The following FRAT2 variants were observed in gnomAD, a reference collection of about 807,000 sequenced individuals.
FRAT2 encodes GSK-3-binding protein FRAT2.
For missense variants in FRAT2, 326 were observed against 340.8 expected, an observed-to-expected ratio of 0.96 and a Z score of 0.34; for synonymous variants, 205 against 171.5, an observed-to-expected ratio of 1.20 and a Z score of -1.53.
chr10:97,334,091 C>G lies in FRAT2; in HGVS notation c.482G>C (p.Arg161Pro). 1 of 1,590,224 alleles carries G rather than the reference C, an allele frequency of 6.3e-7. No individual in the cohort carries two copies. The highest frequency in any genetic ancestry group is 8.5e-7 in the Non-Finnish European group (1 of 1,176,840). ...GCGTGCCCCGGCTTGGGTCCATCGG[C>G]GCTGCTGCAAGCGGCGGGAGGTGAC... ...DAVTSRRLQQRRWTQAGARAG... is the reference protein window; with the variant it reads ...DAVTSRRLQQPRWTQAGARAG... The change falls in exon 1 of 1, where the codon CGC becomes CCC. Residue 161 changes from arginine (R) to proline (P), a missense_variant. Transcript: ENST00000371019.
At position 97,334,101 on chromosome 10, in the gene FRAT2, A is replaced by T; in HGVS notation, c.472T>A (p.Leu158Met). 1.3e-6 allele frequency: 2 copies of T among 1,584,882 alleles called. No homozygotes were observed. The highest frequency in any genetic ancestry group is 1.7e-6 in the Non-Finnish European group (2 of 1,174,600). ...WLRDAVTSRR[L>M]QQRRWTQAGA... ...GCTTGGGTCCATCGGCGCTGCTGCA[A>T]GCGGCGGGAGGTGACCGCGTCCCTG... The change falls in exon 1 of 1, where the codon TTG becomes ATG. Residue 158 changes from leucine to methionine, a missense_variant. Leu to Met is a conservative substitution (Grantham distance 15). Coordinates refer to ENST00000371019, the MANE Select transcript of FRAT2 (RefSeq NM_012083.3).
In FRAT2 at chr10:97,334,525, C is replaced by T. The variant is rs368662537; in HGVS notation, c.48G>A (p.Glu16=). Reference sequence around the variant, plus strand: ...AGCTGTCGTCCTCCTCTTCCTCCCCCTCCGCCTCCTCGCCGGCTTCCTCTT... The same window carrying T: ...AGCTGTCGTCCTCCTCTTCCTCCCCTTCCGCCTCCTCGCCGGCTTCCTCTT... ...EEEEEAGEEA[E]GEEEEDDSFL... is the part of the protein sequence containing the mutation. Residue 16 remains glutamate, a synonymous_variant, in exon 1 of 1, where the codon GAG becomes GAA. Coordinates refer to ENST00000371019, the MANE Select transcript of FRAT2 (RefSeq NM_012083.3). The T allele has an allele frequency of 4.1e-5, 61 of 1,494,842 alleles. No homozygotes were observed. The African/African-American group carries it at 8.4e-4, about 21-fold the overall frequency. 92.6% of individuals were successfully genotyped at this position (1,494,842 alleles called of 1,614,324 possible).
Position 97,334,149 on chromosome 10 carries a change from C to A in FRAT2, c.424G>T (p.Gly142Trp), listed in dbSNP as rs758678704. Reference protein sequence around the residue: ...EVAAGPSALPGPCRRGWLRDA... With the variant: ...EVAAGPSALPWPCRRGWLRDA... ...CTGAGCCATCCTCGCCGGCACGGCCCCGGCAGCGCGCTGGGGCCTGCGGCG... is the reference window on the plus strand; with the variant it reads ...CTGAGCCATCCTCGCCGGCACGGCCACGGCAGCGCGCTGGGGCCTGCGGCG... Residue 142 changes from glycine to tryptophan, a missense_variant, in exon 1 of 1, where the codon GGG becomes TGG. Gly to Trp is a radical substitution (Grantham distance 184, BLOSUM62 -2). Transcript: ENST00000371019. 4.0e-6 allele frequency: 6 copies of A among 1,491,694 alleles called. No homozygotes were observed. The highest frequency in any genetic ancestry group is 5.3e-6 in the Non-Finnish European group (6 of 1,129,962). 92.4% of individuals were successfully genotyped at this position (1,491,694 alleles called of 1,614,324 possible). A position where few individuals can be genotyped will look rare whatever the true frequency, so the allele number is the denominator to read the frequency against.
In FRAT2 at chr10:97,334,132, T is replaced by C. The variant is rs1843552941; in HGVS notation, c.441A>G (p.Gly147=). 2.0e-6 allele frequency: 3 copies of C among 1,534,156 alleles called. No homozygotes were observed. Among genetic ancestry groups the C allele is most frequent in the Non-Finnish European group, 2.6e-6 (3 of 1,149,980 alleles). The part of the protein sequence containing the change: ...PSALPGPCRR[G]WLRDAVTSRR... ...GGGAGGTGACCGCGTCCCTGAGCCA[T>C]CCTCGCCGGCACGGCCCCGGCAGCG... Residue 147 remains glycine (G), a synonymous_variant, in exon 1 of 1, where the codon GGA becomes GGG. Transcript: ENST00000371019.
rs1359123319 is a variant in FRAT2, at chr10:97,334,188, A to G, written c.385T>C (p.Cys129Arg). The G allele has an allele frequency of 5.3e-6, 7 of 1,326,754 alleles. No individual in the cohort carries two copies. Among genetic ancestry groups the G allele is most frequent in the Non-Finnish European group, 6.7e-6 (7 of 1,046,330 alleles). 82.2% of individuals were successfully genotyped at this position (1,326,754 alleles called of 1,614,324 possible). ...GRVRGRAAPYCVAEVAAGPSA... is the reference protein window; with the variant it reads ...GRVRGRAAPYRVAEVAAGPSA... ...GGGCCTGCGGCGACCTCCGCCACGC[A>G]GTAGGGCGCAGCGCGTCCGCGCACG... is the stretch of plus-strand genomic sequence containing the variant. The change falls in exon 1 of 1, where the codon TGC (cysteine) becomes CGC (arginine). Residue 129 changes from cysteine (C) to arginine (R), a missense_variant. Physicochemically the swap from Cys to Arg is radical, Grantham distance 180 (BLOSUM62 -3). Transcript: ENST00000371019.
rs759124999 is a variant in FRAT2, at chr10:97,334,574, GC to G, written c.-3del. The G allele has an allele frequency of 2.8e-5, 41 of 1,443,978 alleles. No individual in the cohort carries two copies. The African/African-American group carries it at 4.0e-4, about 14-fold the overall frequency. 89.4% of individuals were successfully genotyped at this position (1,443,978 alleles called of 1,614,324 possible). ...TTCCTCCTCCCTCCGGCACGGCATG[GC>G]CCCCCGTCCTGGCACCCGGAGCTGT... On this transcript the variant is annotated 5_prime_UTR_variant, in exon 1 of 1. Coordinates refer to ENST00000371019, the MANE Select transcript of FRAT2 (RefSeq NM_012083.3).
Position 97,334,637 on chromosome 10 carries a change from G to A in FRAT2, c.-65C>T, listed in dbSNP as rs1564740784. ...TGGGGGCTTGGTTGCCCGCGGGCGC[G>A]GAGCTGCGGGCGAAGCCGGAGCAGG... is the stretch of plus-strand genomic sequence containing the variant. On this transcript the variant is annotated 5_prime_UTR_variant, in exon 1 of 1. Coordinates refer to ENST00000371019, the MANE Select transcript of FRAT2 (RefSeq NM_012083.3). 6 of 1,302,476 alleles carry A rather than the reference G, an allele frequency of 4.6e-6. No individual in the cohort carries two copies. In the South Asian group the frequency reaches 6.1e-5, roughly 13 times the overall value. 80.7% of individuals were successfully genotyped at this position (1,302,476 alleles called of 1,614,324 possible).
Position 97,334,350 on chromosome 10 carries a change from C to T in FRAT2, c.223G>A (p.Gly75Arg). ...APPGVPLRAP[G>R]PLAAAVPADK... The stretch of plus-strand genomic sequence containing the variant: ...GCCGGCACCGCCGCAGCCAGGGGCC[C>T]CGGGGCCCGCAGCGGCACCCCCGGG... Residue 75 changes from glycine (G) to arginine (R), a missense_variant, in exon 1 of 1, where the codon GGG (glycine) becomes AGG (arginine). By Grantham distance (125) the Gly-to-Arg change is moderately radical (BLOSUM62 -2). Transcript: ENST00000371019. 1 of 1,200,084 alleles carries T rather than the reference C, an allele frequency of 8.3e-7. No homozygotes were observed. The highest frequency in any genetic ancestry group is 1.0e-6 in the Non-Finnish European group (1 of 967,576). 74.3% of individuals were successfully genotyped at this position (1,200,084 alleles called of 1,614,324 possible). A position where few individuals can be genotyped will look rare whatever the true frequency, so the allele number is the denominator to read the frequency against.
rs1414249060 is a variant in FRAT2, at chr10:97,334,289, A to G, written c.284T>C (p.Leu95Pro). The change falls in exon 1 of 1, where the codon CTG (leucine) becomes CCG (proline). Residue 95 changes from leucine to proline, a missense_variant. Coordinates refer to ENST00000371019, the MANE Select transcript of FRAT2 (RefSeq NM_012083.3). Reference sequence around the variant, plus strand: ...CACCGTCTCAGCCGAAGCGGGCGGCAGCAGCAGCGGCACCGCCGGGGGCCG... The same window carrying G: ...CACCGTCTCAGCCGAAGCGGGCGGCGGCAGCAGCGGCACCGCCGGGGGCCG... ...KARPPAVPLL[L>P]PPASAETVGP... 2.6e-6 allele frequency: 3 copies of G among 1,155,970 alleles called. No individual in the cohort carries two copies. The highest frequency in any genetic ancestry group is 1.6e-5 in the African/African-American group (1 of 61,268). The allele number at this position is 1,155,970 out of a possible 1,614,324, so 71.6% of individuals were successfully genotyped here. A position where few individuals can be genotyped will look rare whatever the true frequency, so the allele number is the denominator to read the frequency against.
In FRAT2 at chr10:97,333,938, G is replaced by A. The variant is rs775671696; in HGVS notation, c.635C>T (p.Pro212Leu). The A allele has an allele frequency of 1.9e-6, 3 of 1,575,528 alleles. No homozygotes were observed. The highest frequency in any genetic ancestry group is 2.3e-5 in the South Asian group (2 of 87,504). Residue 212 changes from proline (P) to leucine (L), a missense_variant, in exon 1 of 1, where the codon CCT becomes CTT. Physicochemically the swap from Pro to Leu is moderately conservative, Grantham distance 98 (BLOSUM62 -3). Transcript: ENST00000371019. ...TCCGCTGCGGCCTCCCCCGGGCCCA[G>A]GGGCGCTTGCGGGGCCCGTGGCTGC... ...AVAATGPASA[P>L]GPGGGRSGPD...
Position 97,334,168 on chromosome 10 carries a change from T to G in FRAT2, c.405A>C (p.Ala135=). 1 of 1,402,118 alleles carries G rather than the reference T, an allele frequency of 7.1e-7. No individual in the cohort carries two copies. The highest frequency in any genetic ancestry group is 9.2e-7 in the Non-Finnish European group (1 of 1,088,666). 86.9% of individuals were successfully genotyped at this position (1,402,118 alleles called of 1,614,324 possible). A position where few individuals can be genotyped will look rare whatever the true frequency, so the allele number is the denominator to read the frequency against. Residue 135 remains alanine (A), a synonymous_variant, in exon 1 of 1, where the codon GCA becomes GCC. Transcript: ENST00000371019. ...AAPYCVAEVA[A]GPSALPGPCR... ...ACGGCCCCGGCAGCGCGCTGGGGCC[T>G]GCGGCGACCTCCGCCACGCAGTAGG... is the stretch of plus-strand genomic sequence containing the variant.
Position 97,334,599 on chromosome 10 carries a change from GT to G in FRAT2, c.-28del. On this transcript the variant is annotated 5_prime_UTR_variant, in exon 1 of 1. Coordinates refer to ENST00000371019, the MANE Select transcript of FRAT2 (RefSeq NM_012083.3). ...GCCCCCCGTCCTGGCACCCGGAGCT[GT>G]GCGGGCTTCGCTGGGGGCTTGGTTG... The G allele has an allele frequency of 7.2e-7, 1 of 1,383,324 alleles. No individual in the cohort carries two copies. Among genetic ancestry groups the G allele is most frequent in the Non-Finnish European group, 9.4e-7 (1 of 1,061,970 alleles). The allele number at this position is 1,383,324 out of a possible 1,614,324, so 85.7% of individuals were successfully genotyped here. A position where few individuals can be genotyped will look rare whatever the true frequency, so the allele number is the denominator to read the frequency against.
chr10:97,334,630 C>G lies in FRAT2; in HGVS notation c.-58G>C. ...GCTTCGCTGGGGGCTTGGTTGCCCG[C>G]GGGCGCGGAGCTGCGGGCGAAGCCG... On this transcript the variant is annotated 5_prime_UTR_variant, in exon 1 of 1. Transcript: ENST00000371019. 1 of 1,306,184 alleles carries G rather than the reference C, an allele frequency of 7.7e-7. No individual in the cohort carries two copies. Among genetic ancestry groups the G allele is most frequent in the South Asian group, 2.0e-5 (1 of 50,162 alleles). 80.9% of individuals were successfully genotyped at this position (1,306,184 alleles called of 1,614,324 possible). A position where few individuals can be genotyped will look rare whatever the true frequency, so the allele number is the denominator to read the frequency against.
rs559914314 is a variant in FRAT2, at chr10:97,333,568, G to A, written c.*303C>T. The A allele has an allele frequency of 5.6e-6, 2 of 358,674 alleles. No individual in the cohort carries two copies. Among genetic ancestry groups the A allele is most frequent in the Admixed American group, 9.0e-5 (2 of 22,218 alleles). The allele number at this position is 358,674 out of a possible 1,614,324, so 22.2% of individuals were successfully genotyped here. ...CCCCCAAGGGCTAAGTGAGGTACAA[G>A]TCGATGCAAGTAGCTGCCATAGTTC... On this transcript the variant is annotated 3_prime_UTR_variant, in exon 1 of 1. Transcript: ENST00000371019.
At position 97,333,822 on chromosome 10, in the gene FRAT2, C is replaced by T. The variant is rs1843547499; in HGVS notation, c.*49G>A. 1 of 1,427,466 alleles carries T rather than the reference C, an allele frequency of 7.0e-7. No homozygotes were observed. The highest frequency in any genetic ancestry group is 1.4e-5 in the South Asian group (1 of 69,034). The allele number at this position is 1,427,466 out of a possible 1,614,324, so 88.4% of individuals were successfully genotyped here. ...GCTCAGAGTTAGTAGGAACTGGACG[C>T]TGTTGGGTCTACGCAGCGGCCTCCA... On this transcript the variant is annotated 3_prime_UTR_variant, in exon 1 of 1. Coordinates refer to ENST00000371019, the MANE Select transcript of FRAT2 (RefSeq NM_012083.3).
Position 97,334,681 on chromosome 10 carries a change from A to C in FRAT2, c.-109T>G. On this transcript the variant is annotated 5_prime_UTR_variant, in exon 1 of 1. Coordinates refer to ENST00000371019, the MANE Select transcript of FRAT2 (RefSeq NM_012083.3). The stretch of plus-strand genomic sequence containing the variant: ...GAGCAGGGGCGGACGCGGAAGCCGG[A>C]GCCCGCCAGGCACTCGAGCCACGCG... The C allele has an allele frequency of 4.0e-6, 5 of 1,234,686 alleles. No individual in the cohort carries two copies. Among genetic ancestry groups the C allele is most frequent in the Non-Finnish European group, 1.0e-6 (1 of 972,274 alleles). The allele number at this position is 1,234,686 out of a possible 1,614,324, so 76.5% of individuals were successfully genotyped here.
chr10:97,334,067 C>T lies in FRAT2; in HGVS notation c.506G>A (p.Arg169His), dbSNP rs768851925. The change falls in exon 1 of 1, where the codon CGC becomes CAC. Residue 169 changes from arginine (R) to histidine (H), a missense_variant. Coordinates refer to ENST00000371019, the MANE Select transcript of FRAT2 (RefSeq NM_012083.3). ...QQRRWTQAGARAGDDDPHRLL... is the reference protein window; with the variant it reads ...QQRRWTQAGAHAGDDDPHRLL... Reference sequence around the variant, plus strand: ...CCGATGCGGGTCGTCGTCGCCGGCGCGTGCCCCGGCTTGGGTCCATCGGCG... The same window carrying T: ...CCGATGCGGGTCGTCGTCGCCGGCGTGTGCCCCGGCTTGGGTCCATCGGCG... 7 of 1,594,564 alleles carry T rather than the reference C, an allele frequency of 4.4e-6. No homozygotes were observed. Among genetic ancestry groups the T allele is most frequent in the Middle Eastern group, 3.6e-4 (2 of 5,542 alleles).
chr10:97,333,517 T>C lies in FRAT2; in HGVS notation c.*354A>G. On this transcript the variant is annotated 3_prime_UTR_variant, in exon 1 of 1. Transcript: ENST00000371019. ...CATCGCGATTCCTACCCCTGAGCCC[T>C]CCTTAAACAATCCAAGCTCACGACG... is the stretch of plus-strand genomic sequence containing the variant. 3.7e-6 allele frequency: 1 copy of C among 270,380 alleles called. No individual in the cohort carries two copies. Among genetic ancestry groups the C allele is most frequent in the Non-Finnish European group, 6.9e-6 (1 of 143,998 alleles). The allele number at this position is 270,380 out of a possible 1,614,324, so 16.7% of individuals were successfully genotyped here.
In FRAT2 at chr10:97,333,534, C is replaced by T. The variant is rs993469391; in HGVS notation, c.*337G>A. The T allele has an allele frequency of 1.4e-5, 4 of 292,588 alleles. No individual in the cohort carries two copies. The highest frequency in any genetic ancestry group is 6.5e-5 in the African/African-American group (3 of 46,398). The allele number at this position is 292,588 out of a possible 1,614,324, so 18.1% of individuals were successfully genotyped here. A position where few individuals can be genotyped will look rare whatever the true frequency, so the allele number is the denominator to read the frequency against. ...CTGAGCCCTCCTTAAACAATCCAAG[C>T]TCACGACGCCCCCAAGGGCTAAGTG... On this transcript the variant is annotated 3_prime_UTR_variant, in exon 1 of 1. Coordinates refer to ENST00000371019, the MANE Select transcript of FRAT2 (RefSeq NM_012083.3).
Sources: gnomAD v4.1 joint callset for allele counts on GRCh38, gnomAD v4.1.1 for gene constraint, MANE v1.5 for transcripts, NCBI Gene and HGNC (gene_info 2026-07-23, HGNC 2026-07-21) for gene names.